Variants in RNASE4 observed in about 807,000 individuals in gnomAD.
RNASE4 encodes the protein ribonuclease 4.
For missense variants in RNASE4, 194 were observed against 192.8 expected (o/e 1.01, Z -0.04); for synonymous variants, 93 against 71.4 (o/e 1.30, Z -1.52).
chr14:20,700,953 T>A lies in RNASE4; in HGVS notation c.*1138T>A, dbSNP rs1460419342. 6.6e-6 allele frequency: 1 copy of A among 152,222 alleles called. No individual in the cohort carries two copies. Among genetic ancestry groups the A allele is most frequent in the East Asian group, 1.9e-4 (1 of 5,198 alleles). The allele number at this position is 152,222 out of a possible 1,614,324, so 9.4% of individuals were successfully genotyped here. A position where few individuals can be genotyped will look rare whatever the true frequency, so the allele number is the denominator to read the frequency against. ...GCCTTAACTGATGACATTCCACCACTGTGATTTGTTCCTGCCCCACCTTAA... is the reference window on the plus strand; with the variant it reads ...GCCTTAACTGATGACATTCCACCACAGTGATTTGTTCCTGCCCCACCTTAA... On this transcript the variant is annotated 3_prime_UTR_variant, in exon 2 of 2. Coordinates refer to ENST00000555835, the MANE Select transcript of RNASE4 (RefSeq NM_002937.5).
chr14:20,693,970 C>T lies in RNASE4; in HGVS notation c.-17-5385C>T, dbSNP rs768899582. The stretch of plus-strand genomic sequence containing the variant: ...TGTTGTTGCTTGTGAAAATGGCTTA[C>T]CTGTCCACTTGGATCAGTCAATTTT... On this transcript the variant is annotated intron_variant, in intron 1 of 1. Transcript: ENST00000555835. The T allele has an allele frequency of 1.2e-6, 2 of 1,614,134 alleles. No homozygotes were observed. Among genetic ancestry groups the T allele is most frequent in the South Asian group, 1.1e-5 (1 of 91,074 alleles).
chr14:20,691,180 A>G (rs1427957322), intron 1 of RNASE4, among the ~76,000 whole-genome samples: 2 of 152,174 alleles, frequency 1.3e-5, no homozygotes, highest in Non-Finnish European at 2.9e-5. Flanking sequence ...TTCCTAGAGA[A>G]GACATTAGTA....
chr14:20,694,534 G>A (rs568279441), intron 1 of RNASE4, among the ~76,000 whole-genome samples: 34 of 151,988 alleles, frequency 2.2e-4, no homozygotes, highest in Middle Eastern at 3.4e-3. Flanking sequence ...TCCTGACCTC[G>A]GGAGATCCGC....
chr14:20,699,536 G>A lies in RNASE4; in HGVS notation c.165G>A (p.Leu55=), dbSNP rs1464554582. Residue 55 remains leucine (L), a synonymous_variant, in exon 2 of 2, where the codon TTG becomes TTA. Coordinates refer to ENST00000555835, the MANE Select transcript of RNASE4 (RefSeq NM_002937.5). The part of the protein sequence containing the change: ...ETGGSDRYCN[L]MMQRRKMTLY... ...GTGGCAGTGATCGCTACTGCAACTT[G>A]ATGATGCAAAGACGGAAGATGACTT... 3 of 1,614,084 alleles carry A rather than the reference G, an allele frequency of 1.9e-6. No homozygotes were observed. In the African/African-American group the frequency reaches 4.0e-5, roughly 22 times the overall value.
At chr14:20,691,396 A>T (rs1369291007) in intron 1 of RNASE4, among the ~76,000 whole-genome samples, 1 of 152,242 alleles carries the variant, frequency 6.6e-6, no homozygotes, top group Non-Finnish European at 1.5e-5. Context: ...CTTTAATAAG[A>T]TCTTCCAAAA....
intron 1 of RNASE4, among the ~76,000 whole-genome samples, chr14:20,688,359 A>G (rs747781782): frequency 7.9e-5 from 12 of 152,232 alleles, no homozygotes; most frequent in Non-Finnish European, 1.6e-4. Flanking sequence ...ATGTGATATG[A>G]TAAATGATAA....
rs150462802 is a variant in RNASE4, at chr14:20,700,139, G to A, written c.*324G>A. ...AACATTTCAAAATGCTTTCATCTAT[G>A]TTTATCACATTTTAATACCACAGCA... is the stretch of plus-strand genomic sequence containing the variant. On this transcript the variant is annotated 3_prime_UTR_variant, in exon 2 of 2. Transcript: ENST00000555835. The A allele has an allele frequency of 1.8e-4, 48 of 267,594 alleles. No homozygotes were observed. Among genetic ancestry groups the A allele is most frequent in the African/African-American group, 1.0e-3 (47 of 45,294 alleles). The allele number at this position is 267,594 out of a possible 1,614,324, so 16.6% of individuals were successfully genotyped here. A position where few individuals can be genotyped will look rare whatever the true frequency, so the allele number is the denominator to read the frequency against.
rs7145463 is a variant in RNASE4, at chr14:20,686,891, T to C, written c.-18+2133T>C. On this transcript the variant is annotated intron_variant, in intron 1 of 1. Coordinates refer to ENST00000555835, the MANE Select transcript of RNASE4 (RefSeq NM_002937.5). ...TAGTCCTAAGACAGAATGATACATA[T>C]ATACTCTGTATGAAGGAGGAAAGTG... Among the ~76,000 whole-genome samples the C allele has an allele frequency of 7.4e-3, 1,128 of 152,332 alleles. 18 individuals carry two copies. Among genetic ancestry groups the C allele is most frequent in the African/African-American group, 0.026 (1,077 of 41,576 alleles).
chr14:20,686,204 A>G (rs1886419305), intron 1 of RNASE4, among the ~76,000 whole-genome samples: 1 of 152,108 alleles, frequency 6.6e-6, no homozygotes, highest in Non-Finnish European at 1.5e-5. Context: ...CTCTTGTTCT[A>G]TGACTCCATG....
intron 1 of RNASE4, among the ~76,000 whole-genome samples, chr14:20,690,259 GA>G (rs1333025760): frequency 7.6e-6 from 1 of 131,270 alleles, no homozygotes; most frequent in Non-Finnish European, 1.7e-5. Flanking sequence ...GAAAAGAAAA[GA>G]AAAAAAGGAC....
chr14:20,692,960 G>T (rs1313421997), intron 1 of RNASE4, among the ~76,000 whole-genome samples: 1 of 151,894 alleles, frequency 6.6e-6, no homozygotes, highest in Non-Finnish European at 1.5e-5. Flanking sequence ...CCATTCTCCT[G>T]CCTCAGCCTC....
At chr14:20,687,121 G>A (rs556481517) in intron 1 of RNASE4, among the ~76,000 whole-genome samples, 3 of 152,328 alleles carry the variant, frequency 2.0e-5, no homozygotes, top group Non-Finnish European at 4.4e-5. Context: ...TGACAAAGAT[G>A]TGATGTTCCT....
rs1307207241 is a variant in RNASE4, at chr14:20,699,777, G to A, written c.406G>A (p.Glu136Lys). 4.3e-6 allele frequency: 7 copies of A among 1,612,420 alleles called. 1 individual carries two copies. The highest frequency in any genetic ancestry group is 5.9e-6 in the Non-Finnish European group (7 of 1,180,024). The change falls in exon 2 of 2, where the codon GAG becomes AAG. Residue 136 changes from glutamate to lysine, a missense_variant. By Grantham distance (56) the Glu-to-Lys change is moderately conservative (BLOSUM62 1). Transcript: ENST00000555835. ...CACTAGACGTGTTGTCATTGCCTGT[G>A]AGGGTAACCCACAGGTGCCTGTGCA... ...ASTRRVVIAC[E>K]GNPQVPVHFD...
At chr14:20,688,442 A>G (rs771651567) in intron 1 of RNASE4, among the ~76,000 whole-genome samples, 1 of 152,192 alleles carries the variant, frequency 6.6e-6, no homozygotes, top group Admixed American at 6.5e-5. Context: ...CAGTTCTTGG[A>G]GTTGGCCCAG....
Position 20,699,458 on chromosome 14 carries a change from G to C in RNASE4, c.87G>C (p.Gln29His). The change falls in exon 2 of 2, where the codon CAG becomes CAC. Residue 29 changes from glutamine (Q) to histidine (H), a missense_variant. Transcript: ENST00000555835. The part of the protein sequence containing the change: ...GLGLVQPSYG[Q>H]DGMYQRFLRQ... ...GGCTGGTCCAGCCCTCCTATGGCCA[G>C]GATGGCATGTACCAGCGATTCCTGC... is the stretch of plus-strand genomic sequence containing the variant. 6.2e-7 allele frequency: 1 copy of C among 1,613,976 alleles called. No individual in the cohort carries two copies. The highest frequency in any genetic ancestry group is 8.5e-7 in the Non-Finnish European group (1 of 1,180,002).
chr14:20,685,379 A>G (rs1234052396), intron 1 of RNASE4, among the ~76,000 whole-genome samples: 1 of 152,036 alleles, frequency 6.6e-6, no homozygotes, highest in Non-Finnish European at 1.5e-5. Context: ...TTTCAGCACC[A>G]CTCAGGGGGC....
In RNASE4 at chr14:20,690,780, T is replaced by TA. The variant is rs1886703921; in HGVS notation, c.-18+6028dup. On this transcript the variant is annotated intron_variant, in intron 1 of 1. Coordinates refer to ENST00000555835, the MANE Select transcript of RNASE4 (RefSeq NM_002937.5). ...GGAGAGAAAAATGAAGTCAATTACTTAAAAAATATTAAGGGTTATAATAAG... is the reference window on the plus strand; with the variant it reads ...GGAGAGAAAAATGAAGTCAATTACTTAAAAAAATATTAAGGGTTATAATAAG... Among the ~76,000 whole-genome samples, 5 of 152,150 alleles carry TA rather than the reference T, an allele frequency of 3.3e-5. No homozygotes were observed. In the South Asian group the frequency reaches 1.0e-3, roughly 32 times the overall value.
chr14:20,696,245 A>G (rs537180777), intron 1 of RNASE4, among the ~76,000 whole-genome samples: 68 of 152,326 alleles, frequency 4.5e-4, no homozygotes, highest in African/African-American at 1.6e-3. Flanking sequence ...GCTGTTTCAT[A>G]GGAAATCACA....
At chr14:20,690,604 A>T (rs1003090851) in intron 1 of RNASE4, among the ~76,000 whole-genome samples, 4 of 152,152 alleles carry the variant, frequency 2.6e-5, no homozygotes, top group African/African-American at 9.7e-5. Context: ...CCCCAACTAA[A>T]CTTATACAAA....
Sources: allele counts gnomAD v4.1 joint callset (sites outside exome capture counted in the v4.1 genomes callset), GRCh38; gene constraint gnomAD v4.1.1; transcripts MANE v1.5; gene names NCBI Gene and HGNC (gene_info 2026-07-23, HGNC 2026-07-21).